Variants in UCKL1 observed in about 807,000 individuals in gnomAD.
UCKL1 encodes uridine-cytidine kinase-like 1.
A neutral mutation model predicts 59.2 loss-of-function variants in UCKL1; 65 were observed. The ratio of observed to expected loss-of-function variants is 1.10; its 90% CI spans 0.90 to 1.35. UCKL1 has a LOEUF of 1.35. UCKL1 is among the 40% of genes most tolerant of loss of function. The pLI is 0.00. For synonymous variants in UCKL1, 410 were observed against 323.1 expected, an observed-to-expected ratio of 1.27 and a Z score of -2.88; for missense variants, 703 against 784.3, an observed-to-expected ratio of 0.90 and a Z score of 1.24.
At chr20:63,951,454 C>T (rs534117260) in intron 1 of UCKL1, among the ~76,000 whole-genome samples, 41 of 152,308 alleles carry the variant, frequency 2.7e-4, no homozygotes, top group African/African-American at 5.1e-4. Context: ...ATATCTGAGG[C>T]GCCTCTTGGC....
intron 1 of UCKL1, among the ~76,000 whole-genome samples, chr20:63,949,779 G>C (rs1015416606): frequency 1.3e-5 from 2 of 152,240 alleles, no homozygotes; most frequent in Non-Finnish European, 2.9e-5. Context: ...GACTTGCAAA[G>C]AGGCTCCCCA....
intron 1 of UCKL1, among the ~76,000 whole-genome samples, chr20:63,951,530 G>A (rs73147079): frequency 7.0e-4 from 107 of 152,286 alleles, no homozygotes; most frequent in Non-Finnish European, 1.5e-3. Flanking sequence ...CTTCCGACAG[G>A]CATAAACAAA....
At chr20:63,951,771 A>G (rs950321702) in intron 1 of UCKL1, among the ~76,000 whole-genome samples, 2 of 152,076 alleles carry the variant, frequency 1.3e-5, no homozygotes, top group African/African-American at 4.8e-5. Flanking sequence ...CTCCCCGCCC[A>G]GGGCTCAGCA....
At chr20:63,951,037 C>G in intron 1 of UCKL1, 2 of 1,229,752 alleles carry the variant, frequency 1.6e-6, no homozygotes, top group Non-Finnish European at 2.0e-6. Context: ...AGCCGGGTGG[C>G]TGGGGTGAGA....
At position 63,940,935 on chromosome 20, in the gene UCKL1, C is replaced by G; in HGVS notation, c.1116+15G>C. ...CAAGACCCACCCTCCACCTCGCGGG[C>G]TACGGGCTACGAACCTGAAAGGGCA... On this transcript the variant is annotated intron_variant, in intron 10 of 14. Coordinates refer to ENST00000354216, the MANE Select transcript of UCKL1 (RefSeq NM_017859.4). 6.6e-7 allele frequency: 1 copy of G among 1,520,628 alleles called. No homozygotes were observed. The highest frequency in any genetic ancestry group is 1.4e-5 in the African/African-American group (1 of 72,176). The allele number at this position is 1,520,628 out of a possible 1,614,324, so 94.2% of individuals were successfully genotyped here. A position where few individuals can be genotyped will look rare whatever the true frequency, so the allele number is the denominator to read the frequency against.
At position 63,956,130 on chromosome 20, in the gene UCKL1, G is replaced by A; in HGVS notation, c.113+130C>T. ...GTTCCACCCGGCACGTGGGAGAACG[G>A]GGCGCCGCCGCCTGGCCTCCGGGAG... is the stretch of plus-strand genomic sequence containing the variant. On this transcript the variant is annotated intron_variant, in intron 1 of 14. Coordinates refer to ENST00000354216, the MANE Select transcript of UCKL1 (RefSeq NM_017859.4). 5.5e-6 allele frequency: 5 copies of A among 909,390 alleles called. 1 individual carries two copies. Among genetic ancestry groups the A allele is most frequent in the South Asian group, 4.3e-5 (2 of 46,076 alleles). The allele number at this position is 909,390 out of a possible 1,614,324, so 56.3% of individuals were successfully genotyped here.
chr20:63,955,504 G>A (rs2058449114), intron 1 of UCKL1: 1 of 152,268 alleles, frequency 6.6e-6, no homozygotes, highest in South Asian at 2.1e-4. Flanking sequence ...GTTTCTGACA[G>A]GAGTCACAGC....
Position 63,951,562 on chromosome 20 carries a change from A to G in UCKL1, c.113+4698T>C, listed in dbSNP as rs189223966. ...CAAATCTGAAACTCCACCCTCTGGC[A>G]CCATCTGAAAATAACTGCCTTGCCC... On this transcript the variant is annotated intron_variant, in intron 1 of 14. Coordinates refer to ENST00000354216, the MANE Select transcript of UCKL1 (RefSeq NM_017859.4). Among the ~76,000 whole-genome samples the G allele has an allele frequency of 3.9e-5, 6 of 152,276 alleles. No homozygotes were observed. The East Asian group carries it at 1.2e-3, about 29-fold the overall frequency.
At chr20:63,953,926 G>A (rs968646294) in intron 1 of UCKL1, 1 of 152,524 alleles carries the variant, frequency 6.6e-6, no homozygotes, top group Non-Finnish European at 1.5e-5. Flanking sequence ...ACCACCCCTG[G>A]GGTCACCATC....
chr20:63,948,595 G>GGGGCGTGTGTGAGGGA (rs1569121845), intron 1 of UCKL1: 20 of 10,996 alleles, frequency 1.8e-3, no homozygotes, highest in African/African-American at 7.4e-3. Context: ...GTGAGAGGGA[G>GGGGCGTGTGTGAGGGA]GGGGCGTGTG....
At chr20:63,946,956 T>C (rs1276909008) in intron 1 of UCKL1, among the ~76,000 whole-genome samples, 3 of 150,730 alleles carry the variant, frequency 2.0e-5, no homozygotes, top group Non-Finnish European at 4.4e-5. Context: ...CGGTGGTGGG[T>C]GCCTGTAATC....
Position 63,956,242 on chromosome 20 carries a change from G to A in UCKL1, c.113+18C>T, listed in dbSNP as rs755916690. 1.9e-5 allele frequency: 29 copies of A among 1,514,956 alleles called. No homozygotes were observed. Among genetic ancestry groups the A allele is most frequent in the Non-Finnish European group, 2.4e-5 (27 of 1,133,710 alleles). The allele number at this position is 1,514,956 out of a possible 1,614,324, so 93.8% of individuals were successfully genotyped here. ...CCTTCCCGCTCGCCAGTGGAGTGGA[G>A]GCGAGGCCCACGCCTACCGGTCCTC... On this transcript the variant is annotated intron_variant, in intron 1 of 14. Coordinates refer to ENST00000354216, the MANE Select transcript of UCKL1 (RefSeq NM_017859.4).
At position 63,944,673 on chromosome 20, in the gene UCKL1, C is replaced by T. The variant is rs752830756; in HGVS notation, c.716G>A (p.Arg239His). The change falls in exon 6 of 15, where the codon CGC becomes CAC. Residue 239 changes from arginine to histidine, a missense_variant. By Grantham distance (29) the Arg-to-His change is conservative. Transcript: ENST00000354216. ...DSDIRLVRRL[R>H]RDISERGRDI... ...CCGGCCGCGCTCACTGATGTCCCGG[C>T]GCAGCCGCCGTACCAGGCGGATGTC... The T allele has an allele frequency of 6.8e-6, 11 of 1,612,554 alleles. No homozygotes were observed. Among genetic ancestry groups the T allele is most frequent in the South Asian group, 2.2e-5 (2 of 91,082 alleles).
At chr20:63,952,212 G>A (rs1390476513) in intron 1 of UCKL1, among the ~76,000 whole-genome samples, 3 of 152,212 alleles carry the variant, frequency 2.0e-5, no homozygotes, top group South Asian at 2.1e-4. Flanking sequence ...CGCAGAGTCC[G>A]GGCTCCTGGG....
In UCKL1 at chr20:63,940,240, A is replaced by G. The variant is rs765095682; in HGVS notation, c.1477T>C (p.Ser493Pro). The G allele has an allele frequency of 1.2e-6, 2 of 1,612,784 alleles. No individual in the cohort carries two copies. Among genetic ancestry groups the G allele is most frequent in the Admixed American group, 3.3e-5 (2 of 60,022 alleles). The change falls in exon 14 of 15, where the codon TCA becomes CCA. Residue 493 changes from serine (S) to proline (P), a missense_variant. Transcript: ENST00000354216. ...SLLMAEMGVH[S>P]VAYAFPRVRI... ...ACTCGCGGAAATGCATAGGCCACTG[A>G]GTGCACGCCCATCTCTGCCATGAGC...
rs1368875866 is a variant in UCKL1, at chr20:63,956,258, A to G, written c.113+2T>C. 5 of 1,534,166 alleles carry G rather than the reference A, an allele frequency of 3.3e-6. No homozygotes were observed. Among genetic ancestry groups the G allele is most frequent in the Middle Eastern group, 1.8e-4 (1 of 5,616 alleles). On this transcript the variant is annotated splice_donor_variant, in intron 1 of 14. Transcript: ENST00000354216. LOFTEE classifies it high-confidence loss of function. ...TGGAGTGGAGGCGAGGCCCACGCCTACCGGTCCTCGCACGCGGTCTCGCTT... is the reference window on the plus strand; with the variant it reads ...TGGAGTGGAGGCGAGGCCCACGCCTGCCGGTCCTCGCACGCGGTCTCGCTT...
chr20:63,941,440 A>G (rs1164273468), intron 8 of UCKL1: 1 of 618,918 alleles, frequency 1.6e-6, no homozygotes, highest in Admixed American at 3.0e-5. Context: ...GCTCACCATC[A>G]GGCAGAAAGC....
rs761276188 is a variant in UCKL1, at chr20:63,945,813, T to TC, written c.573dup (p.Lys192GlufsTer15). ...GCAGGGCCCTGGCCTACCCAGTCCT[T>TC]CTTCCGGCTGTGCGTGGTGAAGTCA... On this transcript the variant is annotated frameshift_variant, in exon 4 of 15. Transcript: ENST00000354216. LOFTEE classifies it high-confidence loss of function. The TC allele has an allele frequency of 1.9e-5, 31 of 1,613,580 alleles. No individual in the cohort carries two copies. Among genetic ancestry groups the TC allele is most frequent in the Non-Finnish European group, 2.6e-5 (31 of 1,179,962 alleles).
intron 8 of UCKL1, 102 bp downstream of exon 8, chr20:63,943,551 G>A: frequency 1.3e-6 from 2 of 1,562,354 alleles, no homozygotes; most frequent in East Asian, 2.3e-5. Context: ...TTCTGTGACT[G>A]GGGAAGAGCC....
Sources: allele counts gnomAD v4.1 joint callset (sites outside exome capture counted in the v4.1 genomes callset), GRCh38; gene constraint gnomAD v4.1.1; transcripts MANE v1.5; gene names NCBI Gene and HGNC (gene_info 2026-07-23, HGNC 2026-07-21).